The following DNAH14 variants were observed in gnomAD, a reference collection of about 807,000 sequenced individuals.
DNAH14 encodes the protein axonemal beta dynein heavy chain 14.
DNAH14 carries 478 observed loss-of-function variants against 520.9 expected under a neutral mutation model. That is an observed-to-expected ratio of 0.92 (90% CI 0.85 to 0.99). DNAH14 has a LOEUF of 0.99. Ranked by LOEUF, DNAH14 falls within the 50% of genes least tolerant of loss-of-function variation. DNAH14 has a pLI of 0.00. For synonymous variants in DNAH14, 1,581 were observed against 1,757.2 expected (o/e 0.90, Z 2.51); for missense variants, 4,831 against 5,234.5 (o/e 0.92, Z 2.38).
intron 45 of DNAH14, among the ~76,000 whole-genome samples, 167 bp downstream of exon 45, chr1:225,258,285 C>A (rs1185736643): frequency 6.6e-6 from 1 of 151,978 alleles, no homozygotes; most frequent in Non-Finnish European, 1.5e-5. Flanking sequence ...CCCATTTTTC[C>A]ACATATTTGC....
intron 27 of DNAH14, among the ~76,000 whole-genome samples, chr1:225,126,499 C>G (rs551517585): frequency 1.3e-5 from 2 of 151,970 alleles, no homozygotes; most frequent in Non-Finnish European, 2.9e-5. Context: ...TTGCATAGAG[C>G]TGTTTGTAGT....
rs2060640624 is a variant in DNAH14 at position 224,958,423 on chromosome 1, T to C, written c.218-1730T>C. Among the ~76,000 whole-genome samples the C allele has an allele frequency of 2.0e-5, 3 of 152,018 alleles. No homozygotes were observed. In the South Asian group the frequency reaches 6.2e-4, roughly 31 times the overall value. Reference sequence around the variant, plus strand: ...CAAAGAACACATAGAGTTGGTTTTATCCAGGGGCAGCGTTTTGCCATACAG... The same window carrying C: ...CAAAGAACACATAGAGTTGGTTTTACCCAGGGGCAGCGTTTTGCCATACAG... On this transcript the variant is annotated intron_variant, in intron 3 of 85. Transcript: ENST00000682510.
At chr1:225,071,166 C>T (rs1313884533) in intron 17 of DNAH14, among the ~76,000 whole-genome samples, 1 of 152,080 alleles carries the variant, frequency 6.6e-6, no homozygotes, top group East Asian at 1.9e-4. Context: ...AATTGGGACA[C>T]TTAGTCCGTT....
chr1:225,392,076 A>G (rs1228046004), intron 83 of DNAH14, among the ~76,000 whole-genome samples: 20 of 152,054 alleles, frequency 1.3e-4, no homozygotes, highest in Admixed American at 1.3e-3. Context: ...AACAACCCAC[A>G]TTCACCAGGA....
At chr1:225,132,753 T>C (rs2078557661) in intron 27 of DNAH14, among the ~76,000 whole-genome samples, 1 of 152,212 alleles carries the variant, frequency 6.6e-6, no homozygotes, top group Admixed American at 6.5e-5. Context: ...GATTGCTGGA[T>C]CAAATGGTAT....
intron 41 of DNAH14, 59 bp downstream of exon 41, chr1:225,207,279 AT>A: frequency 7.1e-7 from 1 of 1,398,952 alleles, no homozygotes; most frequent in South Asian, 1.7e-5. Flanking sequence ...ATGCTAATTC[AT>A]CACCGTCTAT....
At chr1:225,242,850 T>A (rs776474535) in intron 43 of DNAH14, among the ~76,000 whole-genome samples, 2 of 152,236 alleles carry the variant, frequency 1.3e-5, no homozygotes, top group Non-Finnish European at 2.9e-5. Flanking sequence ...TTATGACAGC[T>A]ACGATGTTAC....
At chr1:225,187,968 A>T (rs1023024037) in intron 37 of DNAH14, among the ~76,000 whole-genome samples, 1 of 151,758 alleles carries the variant, frequency 6.6e-6, no homozygotes, top group Non-Finnish European at 1.5e-5. Context: ...CTCTTCCTGC[A>T]CCATTTGTTA....
At chr1:224,983,058 TC>T (rs1468891276) in intron 8 of DNAH14, among the ~76,000 whole-genome samples, 1 of 152,182 alleles carries the variant, frequency 6.6e-6, no homozygotes. Flanking sequence ...AGTATTGAAG[TC>T]CCCCACTATT....
In DNAH14 at chr1:225,285,311, G is replaced by A. The variant is rs1484981855; in HGVS notation, c.8272-4574G>A. ...TGCCTGTAATCCCAGAACTTTGGGA[G>A]GCCAAAGTGAGTGGATCACTCGAGG... On this transcript the variant is annotated intron_variant, in intron 54 of 85. Coordinates refer to ENST00000682510, the MANE Select transcript of DNAH14 (RefSeq NM_001367479.1). 2.6e-5 allele frequency among the ~76,000 whole-genome samples: 4 copies of A among 152,184 alleles called. 1 individual carries two copies. Among genetic ancestry groups the A allele is most frequent in the African/African-American group, 7.2e-5 (3 of 41,448 alleles).
chr1:225,102,064 C>G (rs1227106767), intron 23 of DNAH14, among the ~76,000 whole-genome samples: 2 of 135,740 alleles, frequency 1.5e-5, no homozygotes, highest in Non-Finnish European at 3.1e-5. Context: ...ACAACAGGCC[C>G]GGTGTATGAT....
intron 8 of DNAH14, among the ~76,000 whole-genome samples, chr1:224,978,114 A>C (rs564789749): frequency 6.6e-6 from 1 of 152,326 alleles, no homozygotes; most frequent in South Asian, 2.1e-4. Flanking sequence ...GGTTTCTCAA[A>C]AAACTAAAAA....
intron 8 of DNAH14, among the ~76,000 whole-genome samples, chr1:224,975,690 T>C (rs567333199): frequency 1.3e-5 from 2 of 151,368 alleles, no homozygotes; most frequent in South Asian, 4.2e-4. Context: ...CCTGGATTCA[T>C]TAATTTTTTG....
intron 43 of DNAH14, chr1:225,250,702 C>G: frequency 1.8e-6 from 1 of 548,542 alleles, no homozygotes; most frequent in Non-Finnish European, 3.4e-6. Context: ...GAAAGGGGAA[C>G]TGTGGGCAAG....
Position 225,386,444 on chromosome 1 carries a change from A to G in DNAH14, c.13078-1935A>G, listed in dbSNP as rs1219410598. Among the ~76,000 whole-genome samples, 3 of 152,348 alleles carry G rather than the reference A, an allele frequency of 2.0e-5. No homozygotes were observed. The East Asian group carries it at 5.8e-4, about 29-fold the overall frequency. ...AAACTACCATCAGATTGAACAGGCA[A>G]CCTACGGAATGGGAGAAAATTTTTG... On this transcript the variant is annotated intron_variant, in intron 81 of 85. Coordinates refer to ENST00000682510, the MANE Select transcript of DNAH14 (RefSeq NM_001367479.1).
Position 225,121,832 on chromosome 1 carries a change from C to G in DNAH14, c.4167-1695C>G, listed in dbSNP as rs1206442099. ...CTCCAGCCTGGGTGACAGAGCGAGA[C>G]TCCATCTCAAATTAAATAAATAAAT... On this transcript the variant is annotated intron_variant, in intron 26 of 85. Transcript: ENST00000682510. Among the ~76,000 whole-genome samples, 11 of 151,582 alleles carry G rather than the reference C, an allele frequency of 7.3e-5. No homozygotes were observed. In the East Asian group the frequency reaches 2.1e-3, roughly 29 times the overall value.
At chr1:225,185,129 G>A (rs536362820) in intron 36 of DNAH14, among the ~76,000 whole-genome samples, 162 bp from the exon 37 acceptor site, 11 of 151,718 alleles carry the variant, frequency 7.3e-5, no homozygotes, top group South Asian at 6.2e-4. Flanking sequence ...AAAATCAGTA[G>A]CATTTCTATA....
chr1:224,944,388 T>C (rs889746753), intron 1 of DNAH14, among the ~76,000 whole-genome samples: 1 of 152,242 alleles, frequency 6.6e-6, no homozygotes, highest in African/African-American at 2.4e-5. Flanking sequence ...TATGTGTCTC[T>C]GCACGTGAGA....
At chr1:225,374,304 C>A (rs2095667918) in intron 77 of DNAH14, among the ~76,000 whole-genome samples, 1 of 144,280 alleles carries the variant, frequency 6.9e-6, no homozygotes, top group African/African-American at 2.6e-5. Flanking sequence ...CTCTGTCGCC[C>A]AGGCTGGAGT....
Sources: allele counts gnomAD v4.1 joint callset (sites outside exome capture counted in the v4.1 genomes callset), GRCh38; gene constraint gnomAD v4.1.1; transcripts MANE v1.5; gene names NCBI Gene and HGNC (gene_info 2026-07-23, HGNC 2026-07-21).